Variants in SMC1B observed in about 807,000 individuals in gnomAD.
SMC1B encodes structural maintenance of chromosomes 1B, also known as structural maintenance of chromosomes protein 1B.
Under a neutral mutation model 157.9 loss-of-function variants are expected in SMC1B, and 60 were observed. The observed-to-expected ratio is 0.38, with a 90% CI of 0.31 to 0.47. SMC1B has a LOEUF of 0.47. SMC1B is among the 20% of genes least tolerant of loss of function. SMC1B has a pLI of 0.99. For synonymous variants in SMC1B, 445 were observed against 483.0 expected (o/e 0.92, Z 1.03); for missense variants, 1,165 against 1,426.2 (o/e 0.82, Z 2.95).
rs770905388 is a variant in SMC1B at position 45,359,838 on chromosome 22, C to A, written c.2829G>T (p.Leu943Phe). Reference sequence around the variant, plus strand: ...CAATGATGTCATCCAGTGACCCCGACAAAAGGATTATCTCAATGTCTTGCA... The same window carrying A: ...CAATGATGTCATCCAGTGACCCCGAAAAAAGGATTATCTCAATGTCTTGCA... The part of the protein sequence containing the change: ...CKVQDIEIIL[L>F]SGSLDDIIEV... Residue 943 changes from leucine (L) to phenylalanine (F), a missense_variant, in exon 18 of 25, where the codon TTG becomes TTT. Leu to Phe is a conservative substitution (Grantham distance 22). Coordinates refer to ENST00000357450, the MANE Select transcript of SMC1B (RefSeq NM_148674.5). 8 of 1,613,644 alleles carry A rather than the reference C, an allele frequency of 5.0e-6. No individual in the cohort carries two copies. The South Asian group carries it at 5.5e-5, about 11-fold the overall frequency.
At chr22:45,393,309 CTA>C (rs2087083202) in intron 9 of SMC1B, among the ~76,000 whole-genome samples, 1 of 152,080 alleles carries the variant, frequency 6.6e-6, no homozygotes, top group Non-Finnish European at 1.5e-5. Context: ...AGGTTTGAGG[CTA>C]TGTGTCTGGG....
chr22:45,406,755 GA>G lies in SMC1B; in HGVS notation c.408del (p.Gln137ArgfsTer4). The G allele has an allele frequency of 6.3e-7, 1 of 1,589,292 alleles. No individual in the cohort carries two copies. The highest frequency in any genetic ancestry group is 8.5e-7 in the Non-Finnish European group (1 of 1,173,528). On this transcript the variant is annotated frameshift_variant, in exon 3 of 25. Coordinates refer to ENST00000357450, the MANE Select transcript of SMC1B (RefSeq NM_148674.5). LOFTEE classifies it high-confidence loss of function. ...IIVKAQNCLV[F>X]QGTVESISVK... ...AATAAACTACTATAGCTACTTACCT[GA>G]AAAACCAAACAATTTTGTGCTTTGA...
chr22:45,407,895 A>G (rs1314532438), intron 2 of SMC1B, among the ~76,000 whole-genome samples: 2 of 152,170 alleles, frequency 1.3e-5, no homozygotes, highest in Non-Finnish European at 2.9e-5. Flanking sequence ...CTTTAAAAAA[A>G]ATTTCTTCCT....
At chr22:45,386,729 T>C in intron 11 of SMC1B, 138 bp downstream of exon 11, 1 of 657,162 alleles carries the variant, frequency 1.5e-6, no homozygotes, top group South Asian at 3.8e-5. Context: ...CATAACCACC[T>C]TAGGTTCTAT....
chr22:45,390,900 T>A (rs937673811), intron 9 of SMC1B, among the ~76,000 whole-genome samples: 1 of 152,216 alleles, frequency 6.6e-6, no homozygotes, highest in African/African-American at 2.4e-5. Context: ...TTCCTCCGTT[T>A]GTTAGGTTCT....
In SMC1B at chr22:45,413,599, C is replaced by G; in HGVS notation, c.-32G>C. ...GCCCTCCACGCCTCACCCGCGTTAT[C>G]AAGCGCCCGCGGAAAAAGCGCGGGA... is the stretch of plus-strand genomic sequence containing the variant. On this transcript the variant is annotated 5_prime_UTR_variant, in exon 1 of 25. Transcript: ENST00000357450. 4 of 1,562,536 alleles carry G rather than the reference C, an allele frequency of 2.6e-6. No homozygotes were observed. Among genetic ancestry groups the G allele is most frequent in the African/African-American group, 2.7e-5 (2 of 73,660 alleles).
At chr22:45,406,923 A>C (rs2087268698) in intron 2 of SMC1B, 58 bp from the exon 3 acceptor site, 2 of 1,187,772 alleles carry the variant, frequency 1.7e-6, no homozygotes, top group African/African-American at 1.6e-5. Flanking sequence ...ATACCTCAAA[A>C]TCCACCGAAA....
intron 6 of SMC1B, among the ~76,000 whole-genome samples, chr22:45,396,688 T>A (rs2087128508): frequency 6.6e-6 from 1 of 152,018 alleles, no homozygotes; most frequent in Admixed American, 6.5e-5. Context: ...ATTATTTATT[T>A]ATTTATTTAT....
At chr22:45,371,058 T>C (rs942110198) in intron 14 of SMC1B, among the ~76,000 whole-genome samples, 1 of 152,196 alleles carries the variant, frequency 6.6e-6, no homozygotes, top group African/African-American at 2.4e-5. Flanking sequence ...GGTGACCAAA[T>C]TTTTATTGTC....
At chr22:45,398,110 G>A (rs1324103637) in intron 6 of SMC1B, among the ~76,000 whole-genome samples, 3 of 152,180 alleles carry the variant, frequency 2.0e-5, no homozygotes, top group Non-Finnish European at 4.4e-5. Context: ...CATGCCTTCG[G>A]ACGTGCATCC....
chr22:45,405,278 T>G (rs1161564262), intron 4 of SMC1B, among the ~76,000 whole-genome samples: 1 of 152,024 alleles, frequency 6.6e-6, no homozygotes, highest in African/African-American at 2.4e-5. Flanking sequence ...ACAAGATTCT[T>G]GGCCAGGCGC....
At chr22:45,378,394 T>G (rs1305293567) in intron 12 of SMC1B, among the ~76,000 whole-genome samples, 1 of 152,218 alleles carries the variant, frequency 6.6e-6, no homozygotes, top group African/African-American at 2.4e-5. Flanking sequence ...TGGCCGAGCA[T>G]ATGATCAATT....
At chr22:45,361,720 G>T in intron 17 of SMC1B, 119 bp downstream of exon 17, 1 of 975,556 alleles carries the variant, frequency 1.0e-6, no homozygotes. Context: ...GGTGTGATGT[G>T]AGACCAAGAG....
intron 9 of SMC1B, among the ~76,000 whole-genome samples, chr22:45,391,274 A>C (rs1316331546): frequency 6.6e-6 from 1 of 152,212 alleles, no homozygotes; most frequent in Non-Finnish European, 1.5e-5. Flanking sequence ...CATGCTAACT[A>C]TAATTATTCA....
chr22:45,369,985 C>T lies in SMC1B; in HGVS notation c.2389G>A (p.Val797Ile), dbSNP rs2086815466. The T allele has an allele frequency of 3.1e-6, 5 of 1,596,372 alleles. No individual in the cohort carries two copies. Among genetic ancestry groups the T allele is most frequent in the Non-Finnish European group, 3.4e-6 (4 of 1,170,384 alleles). The change falls in exon 15 of 25, where the codon GTT becomes ATT. Residue 797 changes from valine to isoleucine, a missense_variant. Val to Ile is a conservative substitution (Grantham distance 29). Coordinates refer to ENST00000357450, the MANE Select transcript of SMC1B (RefSeq NM_148674.5). ...ENIREFENKH[V>I]KRQQEIDQKR... The stretch of plus-strand genomic sequence containing the variant: ...TGATCAATTTCTTGTTGCCGTTTAA[C>T]ATGTTTGTTCTCAAATTCACGAATA...
Position 45,362,868 on chromosome 22 carries a change from T to G in SMC1B, c.2562+17A>C. The G allele has an allele frequency of 6.3e-7, 1 of 1,580,218 alleles. No individual in the cohort carries two copies. Among genetic ancestry groups the G allele is most frequent in the Non-Finnish European group, 8.6e-7 (1 of 1,162,888 alleles). Reference sequence around the variant, plus strand: ...AATTTCAATGAAGAGGCACTTCAGCTACCCATTATTAATTACCTTCTTTAG... The same window carrying G: ...AATTTCAATGAAGAGGCACTTCAGCGACCCATTATTAATTACCTTCTTTAG... On this transcript the variant is annotated intron_variant, in intron 16 of 24. Transcript: ENST00000357450.
intron 23 of SMC1B, among the ~76,000 whole-genome samples, chr22:45,346,271 G>A (rs552478512): frequency 6.6e-6 from 1 of 152,248 alleles, no homozygotes; most frequent in East Asian, 1.9e-4. Context: ...CAGCCTGAAA[G>A]GAAAAACAGG....
At chr22:45,398,953 G>A (rs567659523) in intron 6 of SMC1B, 142 bp downstream of exon 6, 3 of 823,434 alleles carry the variant, frequency 3.6e-6, no homozygotes, top group Non-Finnish European at 5.7e-6. Flanking sequence ...TCTGTATACA[G>A]GCTGAAAAAT....
chr22:45,372,187 T>C lies in SMC1B; in HGVS notation c.2164A>G (p.Ile722Val). ...AAAGCAACAAGGTGCTTCTTCTTAA[T>C]CATCTCTAGTTCATTTTGTGAATAT... Reference protein sequence around the residue: ...LKYSQNELEMIKKKHLVAFYQ... With the variant: ...LKYSQNELEMVKKKHLVAFYQ... The change falls in exon 13 of 25, where the codon ATT becomes GTT. Residue 722 changes from isoleucine to valine, a missense_variant. Coordinates refer to ENST00000357450, the MANE Select transcript of SMC1B (RefSeq NM_148674.5). The C allele has an allele frequency of 6.2e-7, 1 of 1,610,180 alleles. No homozygotes were observed.
Sources: gnomAD v4.1 joint callset for allele counts (sites outside exome capture counted in the v4.1 genomes callset) on GRCh38, gnomAD v4.1.1 for gene constraint, MANE v1.5 for transcripts, NCBI Gene and HGNC (gene_info 2026-07-23, HGNC 2026-07-21) for gene names.